The following FRMPD4 variants were observed in gnomAD, a reference collection of about 807,000 sequenced individuals.
FRMPD4 encodes FERM and PDZ domain containing 4.
Under a neutral mutation model 94.1 loss-of-function variants are expected in FRMPD4, and 22 were observed. The observed-to-expected ratio is 0.23, with a 90% confidence interval of 0.17 to 0.33. The LOEUF is 0.33. Ranked by LOEUF, FRMPD4 falls within the 10% of genes least tolerant of loss-of-function variation. FRMPD4 has a pLI of 1.00. For missense variants in FRMPD4, 1,111 were observed against 1,339.9 expected (o/e 0.83, Z 2.67); for synonymous variants, 631 against 548.6 (o/e 1.15, Z -2.10).
intron 1 of FRMPD4, among the ~76,000 whole-genome samples, chrX:12,329,842 A>C (rs1200018084): frequency 5.3e-5 from 5 of 95,057 alleles, no homozygotes; most frequent in African/African-American, 2.1e-4. Flanking sequence ...GTGGGTTGCC[A>C]GGACAGTTTC....
chrX:12,168,622 C>CTTTTT (rs35114337), intron 1 of FRMPD4, among the ~76,000 whole-genome samples: 4 of 70,166 alleles, frequency 5.7e-5, no homozygotes, highest in Non-Finnish European at 7.9e-5. Flanking sequence ...GACACTGACC[C>CTTTTT]TTTTTTTTTT....
intron 2 of FRMPD4, among the ~76,000 whole-genome samples, chrX:12,555,931 G>A (rs2058591069): frequency 9.0e-6 from 1 of 110,670 alleles, no homozygotes. Flanking sequence ...TTAGTGATGG[G>A]GTTTCACTAT....
chrX:12,068,442 T>C (rs1235620390), intron 3 of FRMPD4, among the ~76,000 whole-genome samples: 1 of 112,022 alleles, frequency 8.9e-6, no homozygotes, highest in Non-Finnish European at 1.9e-5. Context: ...TTTAAAAATA[T>C]TTACTCTTCA....
At chrX:12,516,543 AG>A (rs1426674643) in intron 2 of FRMPD4, among the ~76,000 whole-genome samples, 1 of 111,992 alleles carries the variant, frequency 8.9e-6, no homozygotes, top group African/African-American at 3.2e-5. Flanking sequence ...TCTGGCTTGC[AG>A]GGTTCCTGCT....
At chrX:12,641,889 A>C (rs2059503051) in intron 4 of FRMPD4, among the ~76,000 whole-genome samples, 1 of 112,333 alleles carries the variant, frequency 8.9e-6, no homozygotes, top group Non-Finnish European at 1.9e-5. Flanking sequence ...ATGGTGTTTT[A>C]AAGAAATTAT....
intron 3 of FRMPD4, among the ~76,000 whole-genome samples, chrX:12,004,834 G>C (rs2054542980): frequency 9.1e-6 from 1 of 109,970 alleles, no homozygotes; most frequent in South Asian, 4.0e-4. Flanking sequence ...CTTGGAGCAG[G>C]AACCACAGCC....
chrX:12,315,865 T>G (rs1294136080), intron 1 of FRMPD4, among the ~76,000 whole-genome samples: 2 of 111,786 alleles, frequency 1.8e-5, no homozygotes, highest in Non-Finnish European at 3.8e-5. Flanking sequence ...ACATTTTTGG[T>G]TGTGGTTCTC....
At chrX:11,991,319 G>T (rs1204320643) in intron 3 of FRMPD4, among the ~76,000 whole-genome samples, 2 of 111,441 alleles carry the variant, frequency 1.8e-5, no homozygotes, top group Admixed American at 9.5e-5. Context: ...TTCAAAATGA[G>T]ATCCAGTGTT....
In FRMPD4 at chrX:12,037,041, T is replaced by C. The variant is rs184070254; in HGVS notation, c.95+159023T>C. Among the ~76,000 whole-genome samples the C allele has an allele frequency of 3.6e-5, 4 of 112,122 alleles. No individual in the cohort carries two copies. The East Asian group carries it at 1.1e-3, about 31-fold the overall frequency. On this transcript the variant is annotated intron_variant, in intron 3 of 18. Transcript: ENST00000640291. Reference sequence around the variant, plus strand: ...TCCATTTGTTAACATAAATATTTATTGAGTAGCTATGAGATTGTCTAGTAC... The same window carrying C: ...TCCATTTGTTAACATAAATATTTATCGAGTAGCTATGAGATTGTCTAGTAC...
At position 12,495,249 on chromosome X, in the gene FRMPD4, A is replaced by T. The variant is rs756356375; in HGVS notation, c.42-3431A>T. On this transcript the variant is annotated intron_variant, in intron 1 of 16. Transcript: ENST00000675598. The stretch of plus-strand genomic sequence containing the variant: ...TCTGTTCTGAGGATGGATTAAAGCC[A>T]TTCATACTTGCAAAACCACCCAAAG... Among the ~76,000 whole-genome samples, 3 of 112,073 alleles carry T rather than the reference A, an allele frequency of 2.7e-5. No homozygotes were observed. In the South Asian group the frequency reaches 1.1e-3, roughly 42 times the overall value.
intron 3 of FRMPD4, among the ~76,000 whole-genome samples, chrX:12,024,975 C>T (rs1451287325): frequency 2.7e-5 from 3 of 111,769 alleles, no homozygotes; most frequent in Non-Finnish European, 3.8e-5. Context: ...ATTTAAAAAA[C>T]AATAATGTCA....
intron 1 of FRMPD4, among the ~76,000 whole-genome samples, chrX:12,312,519 C>T (rs1569227654): frequency 1.8e-5 from 2 of 110,596 alleles, no homozygotes; most frequent in Non-Finnish European, 3.8e-5. Context: ...TCCCAAAGTG[C>T]TGGGATTACA....
chrX:12,268,239 T>A (rs1255943102), intron 1 of FRMPD4, among the ~76,000 whole-genome samples: 2 of 112,293 alleles, frequency 1.8e-5, no homozygotes, highest in Non-Finnish European at 1.9e-5. Flanking sequence ...CACACACCCA[T>A]GGCCAATTAT....
At chrX:12,133,726 T>C (rs887863475), upstream of FRMPD4, among the ~76,000 whole-genome samples, 1 of 112,457 alleles carries the variant, frequency 8.9e-6, no homozygotes, top group Non-Finnish European at 1.9e-5. Context: ...ACCACCTCCT[T>C]GTCATGTCCT....
At chrX:12,023,968 C>CT (rs373198895) in intron 3 of FRMPD4, among the ~76,000 whole-genome samples, 2 of 111,264 alleles carry the variant, frequency 1.8e-5, no homozygotes, top group African/African-American at 6.5e-5. Context: ...TGGGAGACTA[C>CT]TTTTTTTTCT....
chrX:12,515,848 C>G (rs2058090519), intron 2 of FRMPD4, among the ~76,000 whole-genome samples: 1 of 111,524 alleles, frequency 9.0e-6, no homozygotes, highest in Admixed American at 9.4e-5. Context: ...TTGTAAGTCT[C>G]TAAGAACTTG....
At chrX:11,990,632 C>T (rs186274147) in intron 3 of FRMPD4, among the ~76,000 whole-genome samples, 2 of 111,556 alleles carry the variant, frequency 1.8e-5, no homozygotes, top group African/African-American at 6.5e-5. Flanking sequence ...GTTTGGGGAC[C>T]ATTAAACATA....
intron 1 of FRMPD4, among the ~76,000 whole-genome samples, chrX:12,425,955 G>C (rs2056940895): frequency 8.9e-6 from 1 of 111,947 alleles, no homozygotes; most frequent in Non-Finnish European, 1.9e-5. Context: ...ACTCTCATGA[G>C]GATTTGATGA....
chrX:12,413,597 G>C (rs2056762548), intron 1 of FRMPD4, among the ~76,000 whole-genome samples: 1 of 112,272 alleles, frequency 8.9e-6, no homozygotes, highest in Admixed American at 9.4e-5. Flanking sequence ...TGCTACAGGA[G>C]CTAAGTGAAG....
Sources: gnomAD v4.1 joint callset for allele counts (sites outside exome capture counted in the v4.1 genomes callset) on GRCh38, gnomAD v4.1.1 for gene constraint, MANE v1.5 for transcripts, NCBI Gene and HGNC (gene_info 2026-07-23, HGNC 2026-07-21) for gene names.